UBE2R2: variants seen among roughly 807,000 people sequenced by gnomAD.
The protein encoded by UBE2R2 is ubiquitin conjugating enzyme E2 R2.
Under a neutral mutation model 27.8 loss-of-function variants are expected in UBE2R2, and 1 was observed. That is an observed-to-expected ratio of 0.04 (90% CI 0.01 to 0.17). The LOEUF (loss-of-function observed/expected upper bound fraction) is 0.17. Ranked by LOEUF, UBE2R2 falls within the 10% of genes least tolerant of loss-of-function variation. The pLI, the probability that UBE2R2 is intolerant of heterozygous loss-of-function variation, is 1.00. For missense variants in UBE2R2, 100 were observed against 291.0 expected (o/e 0.34, Z 4.78); for synonymous variants, 106 against 113.3 (o/e 0.94, Z 0.41).
At chr9:33,855,845 A>G (rs948270339) in intron 1 of UBE2R2, among the ~76,000 whole-genome samples, 1 of 152,336 alleles carries the variant, frequency 6.6e-6, no homozygotes, top group East Asian at 1.9e-4. Context: ...TGGGAGGCCA[A>G]GGTGGGCGGA....
chr9:33,863,893 TCA>T (rs1219375669), intron 1 of UBE2R2, among the ~76,000 whole-genome samples: 1 of 152,056 alleles, frequency 6.6e-6, no homozygotes, highest in Admixed American at 6.6e-5. Flanking sequence ...TCATCATGGC[TCA>T]CTGCAACCTC....
chr9:33,815,830 T>C (rs559064086), upstream of UBE2R2, among the ~76,000 whole-genome samples: 1 of 152,224 alleles, frequency 6.6e-6, no homozygotes, highest in Non-Finnish European at 1.5e-5. Flanking sequence ...TCATTAACCA[T>C]GTGCCAGTCA....
intron 2 of UBE2R2, among the ~76,000 whole-genome samples, chr9:33,890,450 C>G (rs1356543900): frequency 2.6e-5 from 4 of 151,948 alleles, no homozygotes; most frequent in Non-Finnish European, 4.4e-5. Context: ...GCCTGTAATC[C>G]CAGCTACTCA....
chr9:33,866,517 G>A (rs1821367787), intron 1 of UBE2R2, among the ~76,000 whole-genome samples: 1 of 152,202 alleles, frequency 6.6e-6, no homozygotes. Flanking sequence ...GGGATTACAG[G>A]CGTGAGTCAC....
chr9:33,853,421 G>A (rs1198983557), intron 1 of UBE2R2, among the ~76,000 whole-genome samples: 1 of 151,304 alleles, frequency 6.6e-6, no homozygotes, highest in Non-Finnish European at 1.5e-5. Flanking sequence ...TGAATAGCTG[G>A]GATTATGGCA....
intron 3 of UBE2R2, among the ~76,000 whole-genome samples, chr9:33,911,156 C>T (rs62555932): frequency 0.2 from 30,391 of 151,532 alleles, 3,724 homozygotes; most frequent in East Asian, 0.59. Context: ...TGCTTTTAAT[C>T]GTAGCACTTT....
intron 1 of UBE2R2, among the ~76,000 whole-genome samples, chr9:33,871,303 A>G (rs948374829): frequency 6.6e-6 from 1 of 152,206 alleles, no homozygotes; most frequent in African/African-American, 2.4e-5. Flanking sequence ...TTTTCAGTTA[A>G]CAATATGTTG....
intron 3 of UBE2R2, among the ~76,000 whole-genome samples, chr9:33,911,416 A>C (rs1033968820): frequency 7.5e-5 from 11 of 147,556 alleles, no homozygotes; most frequent in South Asian, 2.2e-4. Flanking sequence ...AAAAAAAAAA[A>C]AAAAAAAAAA....
At chr9:33,910,831 G>A (rs1053418082) in intron 3 of UBE2R2, among the ~76,000 whole-genome samples, 1 of 152,160 alleles carries the variant, frequency 6.6e-6, no homozygotes, top group Non-Finnish European at 1.5e-5. Context: ...GGCCAGGTGC[G>A]GTGGCTCATG....
intron 1 of UBE2R2, among the ~76,000 whole-genome samples, chr9:33,827,453 C>G (rs1231930251): frequency 5.3e-5 from 8 of 152,156 alleles, no homozygotes. Flanking sequence ...CCAGCCTGGT[C>G]AACATGGCGA....
chr9:33,830,991 G>A (rs1264966854), intron 1 of UBE2R2: 1 of 149,752 alleles, frequency 6.7e-6, no homozygotes, highest in African/African-American at 2.5e-5. Context: ...TGGTCCGAGT[G>A]CAGTGGTATT....
At chr9:33,899,618 C>A (rs1822201225) in intron 2 of UBE2R2, among the ~76,000 whole-genome samples, 2 of 152,156 alleles carry the variant, frequency 1.3e-5, no homozygotes, top group Non-Finnish European at 2.9e-5. Context: ...TGTGATCTGC[C>A]CACCTTGGTC....
chr9:33,906,364 C>T (rs141182709), intron 3 of UBE2R2, among the ~76,000 whole-genome samples: 3 of 152,230 alleles, frequency 2.0e-5, no homozygotes, highest in East Asian at 3.9e-4. Flanking sequence ...TCAGGTGATC[C>T]GCCCACCTCG....
chr9:33,824,239 C>T (rs1820249474), intron 1 of UBE2R2, among the ~76,000 whole-genome samples: 1 of 152,102 alleles, frequency 6.6e-6, no homozygotes, highest in Non-Finnish European at 1.5e-5. Context: ...TTCCTGTAAT[C>T]CCAGGACTTT....
At chr9:33,907,009 G>C (rs1315286776) in intron 3 of UBE2R2, among the ~76,000 whole-genome samples, 1 of 152,170 alleles carries the variant, frequency 6.6e-6, no homozygotes, top group Non-Finnish European at 1.5e-5. Flanking sequence ...GGAGCCTGGG[G>C]GCCGGGTGAG....
chr9:33,883,729 AAAG>A (rs1330055490), intron 1 of UBE2R2, among the ~76,000 whole-genome samples: 117 of 151,162 alleles, frequency 7.7e-4, no homozygotes, highest in Admixed American at 1.4e-3. Context: ...AAAAAAAAAA[AAAG>A]AAATAAAAAA....
chr9:33,899,028 C>G (rs1054371128), intron 2 of UBE2R2, among the ~76,000 whole-genome samples: 1 of 151,946 alleles, frequency 6.6e-6, no homozygotes, highest in Admixed American at 6.6e-5. Context: ...ACATTTGCTG[C>G]GAGGCATATT....
chr9:33,863,413 C>G (rs1272763914), intron 1 of UBE2R2, among the ~76,000 whole-genome samples: 7 of 135,820 alleles, frequency 5.2e-5, no homozygotes, highest in East Asian at 4.8e-4. Flanking sequence ...TTGGGAGGCT[C>G]AGGCAGGAGA....
intron 1 of UBE2R2, among the ~76,000 whole-genome samples, chr9:33,839,527 C>T (rs568365678): frequency 1.3e-5 from 2 of 152,264 alleles, no homozygotes; most frequent in African/African-American, 2.4e-5. Flanking sequence ...TGTGAGCCAC[C>T]GTGCTGGGCC....
Sources: gnomAD v4.1 joint callset for allele counts (sites outside exome capture counted in the v4.1 genomes callset) on GRCh38, gnomAD v4.1.1 for gene constraint, MANE v1.5 for transcripts, NCBI Gene and HGNC (gene_info 2026-07-23, HGNC 2026-07-21) for gene names.